Variants in PDLIM1 observed in about 807,000 individuals in gnomAD.
The protein encoded by PDLIM1 is PDZ and LIM domain 1, also known as PDZ and LIM domain protein 1.
Under a neutral mutation model 35.2 loss-of-function variants are expected in PDLIM1, and 25 were observed. That is an observed-to-expected ratio of 0.71 (90% CI 0.52 to 0.99). The LOEUF (loss-of-function observed/expected upper bound fraction) is 0.99, where lower values mean the gene tolerates loss of function less well. PDLIM1 is among the 50% of genes least tolerant of loss of function. PDLIM1 has a pLI of 0.00. For synonymous variants in PDLIM1, 152 were observed against 154.0 expected, an observed-to-expected ratio of 0.99 and a Z score of 0.10; for missense variants, 363 against 415.3, an observed-to-expected ratio of 0.87 and a Z score of 1.09.
Position 95,290,043 on chromosome 10 carries a change from CCTT to C in PDLIM1, c.96+774_96+776del, listed in dbSNP as rs1209716550. ...TGGTGGCCCCTGATTCAACGTGAGT[CCTT>C]CTAAAGATCCGAAGCCCCTCTTAGA... On this transcript the variant is annotated intron_variant, in intron 1 of 6. Coordinates refer to ENST00000329399, the MANE Select transcript of PDLIM1 (RefSeq NM_020992.4). This position sits in a 1 kb window ranked among gnomAD's most constrained non-coding sequence, Gnocchi z 4.7. Among the ~76,000 whole-genome samples the C allele has an allele frequency of 1.3e-5, 2 of 152,184 alleles. No individual in the cohort carries two copies. The highest frequency in any genetic ancestry group is 6.5e-5 in the Admixed American group (1 of 15,288).
In PDLIM1 at chr10:95,263,850, CCTGGGCTACTTACGGT is replaced by C; in HGVS notation, c.531_533+13del. On this transcript the variant is annotated splice_donor_variant and splice_donor_5th_base_variant and coding_sequence_variant and intron_variant, in exon 4 of 7. Coordinates refer to ENST00000329399, the MANE Select transcript of PDLIM1 (RefSeq NM_020992.4). LOFTEE classifies it high-confidence loss of function. ...CCCAGGAGCGGCTCAGAGGAGGACT[CCTGGGCTACTTACGGT>C]CTGCTGTTCGCCTCCACCCCGCTGG... 1 of 1,599,774 alleles carries C rather than the reference CCTGGGCTACTTACGGT, an allele frequency of 6.3e-7. No individual in the cohort carries two copies. The highest frequency in any genetic ancestry group is 8.5e-7 in the Non-Finnish European group (1 of 1,171,874).
rs141682059 is a variant in PDLIM1 at position 95,247,270 on chromosome 10, C to T, written c.630G>A (p.Pro210=). The T allele has an allele frequency of 1.1e-5, 18 of 1,614,116 alleles. No individual in the cohort carries two copies. The highest frequency in any genetic ancestry group is 9.9e-5 in the South Asian group (9 of 91,054). Residue 210 remains proline, a synonymous_variant, in exon 5 of 7, where the codon CCG becomes CCA. Transcript: ENST00000329399. ...LQEKQELNEP[P]KQSTSFLVLQ... Reference sequence around the variant, plus strand: ...AAACCAAGAAAGACGTGGACTGTTTCGGGGGCTCATTCAACTCCTGTTTCT... The same window carrying T: ...AAACCAAGAAAGACGTGGACTGTTTTGGGGGCTCATTCAACTCCTGTTTCT...
Position 95,237,826 on chromosome 10 carries a change from A to G in PDLIM1, c.*99T>C. The G allele has an allele frequency of 9.3e-7, 1 of 1,069,948 alleles. No individual in the cohort carries two copies. Among genetic ancestry groups the G allele is most frequent in the East Asian group, 2.5e-5 (1 of 39,540 alleles). The allele number at this position is 1,069,948 out of a possible 1,614,324, so 66.3% of individuals were successfully genotyped here. On this transcript the variant is annotated 3_prime_UTR_variant, in exon 7 of 7. Coordinates refer to ENST00000329399, the MANE Select transcript of PDLIM1 (RefSeq NM_020992.4). ...ATGTTTTACAAGCAGAGGGAAAACCAAAGTAAGCAGAGAACTTTCAAGAGA... is the reference window on the plus strand; with the variant it reads ...ATGTTTTACAAGCAGAGGGAAAACCGAAGTAAGCAGAGAACTTTCAAGAGA...
At chr10:95,286,063 T>A (rs190650462) in intron 1 of PDLIM1, among the ~76,000 whole-genome samples, 340 of 152,276 alleles carry the variant, frequency 2.2e-3, no homozygotes, top group Non-Finnish European at 3.8e-3. Flanking sequence ...ACTAGGACAC[T>A]CTAACAATAA....
Position 95,290,727 on chromosome 10 carries a change from C to G in PDLIM1, c.96+93G>C. 1.3e-6 allele frequency: 1 copy of G among 794,860 alleles called. No individual in the cohort carries two copies. The highest frequency in any genetic ancestry group is 1.9e-6 in the Non-Finnish European group (1 of 538,028). 49.2% of individuals were successfully genotyped at this position (794,860 alleles called of 1,614,324 possible). On this transcript the variant is annotated intron_variant, in intron 1 of 6. Coordinates refer to ENST00000329399, the MANE Select transcript of PDLIM1 (RefSeq NM_020992.4). This position sits in a 1 kb window ranked among gnomAD's most constrained non-coding sequence, Gnocchi z 4.7. The stretch of plus-strand genomic sequence containing the variant: ...ACCTGGACGCGCCCGGCTGCGGTTC[C>G]GACTCCGTCCCCGACCGCGCCCGCG...
chr10:95,249,707 G>A (rs972590245), intron 4 of PDLIM1, among the ~76,000 whole-genome samples: 1 of 151,974 alleles, frequency 6.6e-6, no homozygotes, highest in Non-Finnish European at 1.5e-5. Flanking sequence ...ACAACCTCTG[G>A]GGCACGTTCA....
chr10:95,264,014 G>T lies in PDLIM1; in HGVS notation c.383C>A (p.Thr128Asn). ...SAHNRSAMPF[T>N]ASPASSTTAR... Reference sequence around the variant, plus strand: ...AGTAGTGCTGGAGGCAGGCGAGGCGGTAAAGGGCATGGCACTTCGGTTGTG... The same window carrying T: ...AGTAGTGCTGGAGGCAGGCGAGGCGTTAAAGGGCATGGCACTTCGGTTGTG... Residue 128 changes from threonine to asparagine, a missense_variant, in exon 4 of 7, where the codon ACC becomes AAC. By Grantham distance (65) the Thr-to-Asn change is moderately conservative. Transcript: ENST00000329399. 1.9e-6 allele frequency: 3 copies of T among 1,613,844 alleles called. No individual in the cohort carries two copies. In the South Asian group the frequency reaches 3.3e-5, roughly 18 times the overall value.
chr10:95,268,179 C>T (rs1373919351), intron 3 of PDLIM1, among the ~76,000 whole-genome samples: 1 of 152,148 alleles, frequency 6.6e-6, no homozygotes, highest in Non-Finnish European at 1.5e-5. Context: ...AGTCTACTGT[C>T]CTGAGAAATT....
At chr10:95,265,425 T>A (rs1025510772) in intron 3 of PDLIM1, among the ~76,000 whole-genome samples, 2 of 151,446 alleles carry the variant, frequency 1.3e-5, no homozygotes, top group Non-Finnish European at 2.9e-5. Flanking sequence ...AGAAACCTCA[T>A]CTCTACTAAA....
Position 95,290,828 on chromosome 10 carries a change from T to G in PDLIM1, c.88A>C (p.Ile30Leu). The change falls in exon 1 of 7, where the codon ATT (isoleucine) becomes CTT (leucine). Residue 30 changes from isoleucine (I) to leucine (L), a missense_variant. By Grantham distance (5) the Ile-to-Leu change is conservative. Coordinates refer to ENST00000329399, the MANE Select transcript of PDLIM1 (RefSeq NM_020992.4). The surrounding 1 kb of genome is among the most constrained non-coding windows in gnomAD (Gnocchi z 4.7). ...GTCCCAGCTGCTCTTACCCGGGAAA[T>G]GGCGAGAGGCTGCTCGAAGTCCTTG... is the stretch of plus-strand genomic sequence containing the variant. ...GGKDFEQPLA[I>L]SRVTPGSKAA... The G allele has an allele frequency of 6.4e-7, 1 of 1,558,392 alleles. No individual in the cohort carries two copies. The highest frequency in any genetic ancestry group is 8.7e-7 in the Non-Finnish European group (1 of 1,151,180).
At chr10:95,253,604 G>A (rs564759593) in intron 4 of PDLIM1, among the ~76,000 whole-genome samples, 15 of 151,110 alleles carry the variant, frequency 9.9e-5, no homozygotes, top group East Asian at 5.8e-4. Context: ...GGCAGTAAGC[G>A]GAGATCGCAC....
chr10:95,284,243 G>A (rs757281642), intron 1 of PDLIM1, among the ~76,000 whole-genome samples: 1 of 152,014 alleles, frequency 6.6e-6, no homozygotes, highest in African/African-American at 2.4e-5. Context: ...GAGAACTGTT[G>A]GGTTATATGG....
intron 6 of PDLIM1, 96 bp from the exon 7 acceptor site, chr10:95,238,207 G>A: frequency 9.0e-7 from 1 of 1,116,908 alleles, no homozygotes; most frequent in Non-Finnish European, 1.3e-6. Context: ...CAGGGGCCTG[G>A]GGCTTCTCCC....
intron 4 of PDLIM1, among the ~76,000 whole-genome samples, chr10:95,262,982 A>C (rs1401089803): frequency 1.3e-5 from 2 of 151,838 alleles, no homozygotes; most frequent in Non-Finnish European, 2.9e-5. Flanking sequence ...AATCTCTACA[A>C]AAAAAAGTAA....
chr10:95,276,896 TAAAA>T (rs61442624), intron 1 of PDLIM1, among the ~76,000 whole-genome samples: 5,412 of 68,846 alleles, frequency 0.079, 167 homozygotes, highest in South Asian at 0.26. Context: ...TTCAGTTTCC[TAAAA>T]AAAAAAAAAA....
At chr10:95,274,662 C>T (rs2035496558) in intron 1 of PDLIM1, among the ~76,000 whole-genome samples, 1 of 152,052 alleles carries the variant, frequency 6.6e-6, no homozygotes, top group South Asian at 2.1e-4. Flanking sequence ...TGCAAACCTC[C>T]TTGGTGGGTT....
At chr10:95,263,423 GTA>G (rs1318431859) in intron 4 of PDLIM1, among the ~76,000 whole-genome samples, 1 of 152,162 alleles carries the variant, frequency 6.6e-6, no homozygotes, top group Non-Finnish European at 1.5e-5. Context: ...GCAGCATGAA[GTA>G]TTTCTCCCTT....
At chr10:95,288,734 G>C (rs1330376770) in intron 1 of PDLIM1, among the ~76,000 whole-genome samples, 3 of 152,148 alleles carry the variant, frequency 2.0e-5, no homozygotes, top group African/African-American at 7.2e-5. Context: ...ATAAGGAGCT[G>C]AAGAGAAACA....
intron 5 of PDLIM1, among the ~76,000 whole-genome samples, chr10:95,241,031 C>T (rs771706026): frequency 3.3e-5 from 5 of 152,172 alleles, no homozygotes; most frequent in Non-Finnish European, 5.9e-5. Flanking sequence ...CGCCACTGAT[C>T]CAAGAACCAC....
Sources: gnomAD v4.1 joint callset for allele counts (sites outside exome capture counted in the v4.1 genomes callset) on GRCh38, gnomAD v4.1.1 for gene constraint, Gnocchi (gnomAD v3.1) non-coding constraint, MANE v1.5 for transcripts, NCBI Gene and HGNC (gene_info 2026-07-23, HGNC 2026-07-21) for gene names.